Variants in ITM2B observed in about 807,000 individuals in gnomAD.
ITM2B encodes the protein ABri/ADan amyloid peptide.
A neutral mutation model predicts 27.8 loss-of-function variants in ITM2B; 11 were observed. The ratio of observed to expected loss-of-function variants is 0.40; its 90% confidence interval spans 0.25 to 0.66. The LOEUF (loss-of-function observed/expected upper bound fraction) is 0.66, where lower values mean the gene tolerates loss of function less well. Ranked by LOEUF, ITM2B falls within the 30% of genes least tolerant of loss-of-function variation. ITM2B has a pLI of 0.43. For missense variants in ITM2B, 296 were observed against 328.9 expected (o/e 0.90, Z 0.77); for synonymous variants, 114 against 114.3 (o/e 1.00, Z 0.02).
intron 1 of ITM2B, among the ~76,000 whole-genome samples, chr13:48,249,051 A>G (rs1456269806): frequency 6.6e-6 from 1 of 152,204 alleles, no homozygotes; most frequent in Non-Finnish European, 1.5e-5. Flanking sequence ...TTATGTGTAC[A>G]ATTTGATTGA....
intron 2 of ITM2B, among the ~76,000 whole-genome samples, chr13:48,255,338 C>A (rs576643928): frequency 2.0e-4 from 31 of 152,156 alleles, no homozygotes; most frequent in Non-Finnish European, 3.8e-4. Context: ...GTCATCCAGG[C>A]TGGAGTGCGG....
intron 1 of ITM2B, among the ~76,000 whole-genome samples, chr13:48,252,367 T>G (rs1262296452): frequency 6.6e-6 from 1 of 152,230 alleles, no homozygotes; most frequent in Non-Finnish European, 1.5e-5. Context: ...GCTAGGAACT[T>G]GGCTGCACAG....
At chr13:48,242,354 T>C (rs1951704394) in intron 1 of ITM2B, among the ~76,000 whole-genome samples, 2 of 152,094 alleles carry the variant, frequency 1.3e-5, no homozygotes, top group Admixed American at 6.5e-5. Context: ...ATAATTGTCT[T>C]TCTGTGTCTT....
At chr13:48,233,589 G>T in intron 1 of ITM2B, 112 bp downstream of exon 1, 2 of 592,028 alleles carry the variant, frequency 3.4e-6, no homozygotes, top group Non-Finnish European at 5.5e-6. Context: ...CGCGCCGCGG[G>T]GACAAGTCCC....
chr13:48,244,221 A>G (rs1951713924), intron 1 of ITM2B, among the ~76,000 whole-genome samples: 1 of 152,356 alleles, frequency 6.6e-6, no homozygotes, highest in Non-Finnish European at 1.5e-5. Flanking sequence ...AGCTTTCAAG[A>G]AACATTGTGT....
chr13:48,238,288 A>G (rs1181068452), intron 1 of ITM2B, among the ~76,000 whole-genome samples: 1 of 152,170 alleles, frequency 6.6e-6, no homozygotes, highest in Admixed American at 6.5e-5. Flanking sequence ...CTCATTTTAT[A>G]AGTGTTATCA....
intron 1 of ITM2B, among the ~76,000 whole-genome samples, chr13:48,248,441 T>A (rs1490999016): frequency 6.6e-6 from 1 of 152,130 alleles, no homozygotes; most frequent in East Asian, 1.9e-4. Flanking sequence ...TGGTCACTAG[T>A]TGAATCTTTT....
In ITM2B at chr13:48,270,182, G is replaced by T. The variant is rs1035245653; in HGVS notation, c.*8958G>T. On this transcript the variant is annotated 3_prime_UTR_variant, in exon 6 of 6. Transcript: ENST00000647800. Reference sequence around the variant, plus strand: ...AGGTATCCCTGTGGCTATGAGCATTGCTCCTTATCTATGCCTCTGCTCTTA... The same window carrying T: ...AGGTATCCCTGTGGCTATGAGCATTTCTCCTTATCTATGCCTCTGCTCTTA... 2 of 152,222 alleles carry T rather than the reference G, an allele frequency of 1.3e-5. No homozygotes were observed. Among genetic ancestry groups the T allele is most frequent in the Non-Finnish European group, 2.9e-5 (2 of 68,052 alleles). The allele number at this position is 152,222 out of a possible 1,614,324, so 9.4% of individuals were successfully genotyped here. A position where few individuals can be genotyped will look rare whatever the true frequency, so the allele number is the denominator to read the frequency against.
chr13:48,262,763 T>C lies in ITM2B; in HGVS notation c.*1539T>C, dbSNP rs547744687. 2 of 152,238 alleles carry C rather than the reference T, an allele frequency of 1.3e-5. No individual in the cohort carries two copies. The highest frequency in any genetic ancestry group is 2.1e-4 in the South Asian group (1 of 4,826). 9.4% of individuals were successfully genotyped at this position (152,238 alleles called of 1,614,324 possible). On this transcript the variant is annotated 3_prime_UTR_variant, in exon 6 of 6. Coordinates refer to ENST00000647800, the MANE Select transcript of ITM2B (RefSeq NM_021999.5). ...ACAGCAAACAACTCATTACAATACA[T>C]TGGGATCAGTAGTGTGAGGGAGAAA...
chr13:48,238,148 A>G (rs556084554), intron 1 of ITM2B, among the ~76,000 whole-genome samples: 1 of 152,320 alleles, frequency 6.6e-6, no homozygotes, highest in South Asian at 2.1e-4. Context: ...GACAGCTGAA[A>G]GTTGAAAATT....
chr13:48,244,822 CAA>C (rs1186179652), intron 1 of ITM2B, among the ~76,000 whole-genome samples: 1 of 152,096 alleles, frequency 6.6e-6, no homozygotes, highest in East Asian at 1.9e-4. Context: ...ATACTGGTAA[CAA>C]TGTGGAGTTT....
chr13:48,245,254 A>C (rs1017871791), intron 1 of ITM2B, among the ~76,000 whole-genome samples: 1 of 151,736 alleles, frequency 6.6e-6, no homozygotes, highest in Non-Finnish European at 1.5e-5. Context: ...TGAACCTGGG[A>C]GGCAGAGGTT....
chr13:48,235,919 C>G (rs185520103), intron 1 of ITM2B, among the ~76,000 whole-genome samples: 29 of 152,320 alleles, frequency 1.9e-4, no homozygotes, highest in Non-Finnish European at 3.7e-4. Context: ...GATTCTGTTA[C>G]CTTATGCCAC....
intron 4 of ITM2B, 127 bp downstream of exon 4, chr13:48,258,363 TA>T (rs1951802105): frequency 1.4e-6 from 1 of 691,440 alleles, no homozygotes; most frequent in Non-Finnish European, 2.7e-6. Flanking sequence ...AAAGAGGAAC[TA>T]ATACTCATGG....
At chr13:48,260,281 A>G (rs989264725) in intron 5 of ITM2B, among the ~76,000 whole-genome samples, 3 of 152,104 alleles carry the variant, frequency 2.0e-5, no homozygotes, top group African/African-American at 7.2e-5. Context: ...CAAGTTTGCT[A>G]TTGTGAGTAG....
At chr13:48,258,338 A>G in intron 4 of ITM2B, 102 bp downstream of exon 4, 2 of 750,480 alleles carry the variant, frequency 2.7e-6, no homozygotes, top group Non-Finnish European at 4.9e-6. Flanking sequence ...ATCAGACTGT[A>G]GTTAAGAATT....
rs138799429 is a variant in ITM2B at position 48,235,035 on chromosome 13, C to T, written c.117+1558C>T. 1.1e-3 allele frequency among the ~76,000 whole-genome samples: 164 copies of T among 152,064 alleles called. 2 individuals are homozygous for T. Among genetic ancestry groups the T allele is most frequent in the African/African-American group, 3.9e-3 (163 of 41,488 alleles). On this transcript the variant is annotated intron_variant, in intron 1 of 5. Transcript: ENST00000647800. The stretch of plus-strand genomic sequence containing the variant: ...TCACATATATATATATACACACATA[C>T]ATTTAAAAATCCTATTAACAAATAT...
chr13:48,241,008 T>C (rs1412189035), intron 1 of ITM2B, among the ~76,000 whole-genome samples: 1 of 152,196 alleles, frequency 6.6e-6, no homozygotes, highest in African/African-American at 2.4e-5. Flanking sequence ...CTTCTTATGG[T>C]CTTTTATTAC....
At chr13:48,233,568 G>A in intron 1 of ITM2B, 91 bp downstream of exon 1, 3 of 788,436 alleles carry the variant, frequency 3.8e-6, no homozygotes, top group Non-Finnish European at 5.6e-6. Context: ...CGAGGTGGCG[G>A]GCGCGGGGCT....
Sources: gnomAD v4.1 joint callset for allele counts (sites outside exome capture counted in the v4.1 genomes callset) on GRCh38, gnomAD v4.1.1 for gene constraint, MANE v1.5 for transcripts, NCBI Gene and HGNC (gene_info 2026-07-23, HGNC 2026-07-21) for gene names.